Variants in LRIG1 observed in about 807,000 individuals in gnomAD.
LRIG1 encodes the protein leucine-rich repeats and immunoglobulin-like domains protein 1.
LRIG1 carries 48 observed loss-of-function variants against 99.2 expected under a neutral mutation model. The ratio of observed to expected loss-of-function variants is 0.48; its 90% CI spans 0.38 to 0.62. The LOEUF is 0.62. LRIG1 is among the 20% of genes least tolerant of loss of function. The pLI is 0.00. For missense variants in LRIG1, 1,646 were observed against 1,434.4 expected (o/e 1.15, Z -2.38); for synonymous variants, 772 against 596.1 (o/e 1.29, Z -4.30).
rs61746346 is a variant in LRIG1 at position 66,383,278 on chromosome 3, G to A, written c.2195C>T (p.Pro732Leu). Residue 732 changes from proline to leucine, a missense_variant, in exon 15 of 19, where the codon CCG (proline) becomes CTG (leucine). Physicochemically the swap from Pro to Leu is moderately conservative, Grantham distance 98. Coordinates refer to ENST00000273261, the MANE Select transcript of LRIG1 (RefSeq NM_015541.3). ...PRITWFKGDRPLSLTERHHLT... is the reference protein window; with the variant it reads ...PRITWFKGDRLLSLTERHHLT... ...GTGGTGCCGCTCAGTGAGGCTCAGC[G>A]GGCGGTCCCCCTTGAACCAGGTGAT... The A allele has an allele frequency of 1.4e-3, 2,273 of 1,613,840 alleles. 12 individuals carry two copies. In the African/African-American group the frequency reaches 0.017, roughly 12 times the overall value.
At chr3:66,423,442 A>C (rs1004622287) in intron 3 of LRIG1, among the ~76,000 whole-genome samples, 6 of 152,146 alleles carry the variant, frequency 3.9e-5, no homozygotes, top group African/African-American at 1.4e-4. Context: ...ATGGTGGCGC[A>C]TGCCTGTAAT....
chr3:66,381,650 A>C lies in LRIG1; in HGVS notation c.2618-19T>G. 6.2e-7 allele frequency: 1 copy of C among 1,605,184 alleles called. No homozygotes were observed. The highest frequency in any genetic ancestry group is 8.5e-7 in the Non-Finnish European group (1 of 1,172,616). The stretch of plus-strand genomic sequence containing the variant: ...CACACACCTGCAAGTGGATTCCAAC[A>C]CGATTAGAAACTCTGGGCTTGGTAT... On this transcript the variant is annotated intron_variant, in intron 16 of 18. Transcript: ENST00000273261.
At chr3:66,407,616 C>A in intron 7 of LRIG1, 125 bp from the exon 8 acceptor site, 1 of 912,180 alleles carries the variant, frequency 1.1e-6, no homozygotes, top group Non-Finnish European at 1.7e-6. Flanking sequence ...CACGCACGCG[C>A]GTGCGTGCAC....
At chr3:66,418,040 C>T (rs1019230912) in intron 3 of LRIG1, among the ~76,000 whole-genome samples, 3 of 152,176 alleles carry the variant, frequency 2.0e-5, no homozygotes, top group Non-Finnish European at 4.4e-5. Context: ...TTAGTGGTCA[C>T]CACCTCCCAA....
At chr3:66,479,865 C>T (rs1238101413) in intron 1 of LRIG1, among the ~76,000 whole-genome samples, 1 of 152,204 alleles carries the variant, frequency 6.6e-6, no homozygotes, top group Admixed American at 6.5e-5. Context: ...ACGTGGTGCA[C>T]ACAGCTTCTC....
intron 3 of LRIG1, among the ~76,000 whole-genome samples, chr3:66,434,047 C>A (rs148157578): frequency 6.6e-6 from 1 of 152,144 alleles, no homozygotes; most frequent in Admixed American, 6.5e-5. Context: ...TTAGACCTGA[C>A]GCTAAAAGCA....
rs145535590 is a variant in LRIG1 at position 66,423,398 on chromosome 3, C to A, written c.366-6132G>T. 6.4e-3 allele frequency among the ~76,000 whole-genome samples: 975 copies of A among 152,172 alleles called. 12 individuals carry two copies. Among genetic ancestry groups the A allele is most frequent in the African/African-American group, 0.022 (896 of 41,480 alleles). ...ACCAGCCTGACCAACATGGAGCAAC[C>A]CTGTCTCTACTAAAAATAAAAAATT... On this transcript the variant is annotated intron_variant, in intron 3 of 18. Coordinates refer to ENST00000273261, the MANE Select transcript of LRIG1 (RefSeq NM_015541.3).
chr3:66,450,205 C>T (rs930923226), intron 3 of LRIG1, among the ~76,000 whole-genome samples: 31 of 152,320 alleles, frequency 2.0e-4, no homozygotes, highest in African/African-American at 7.5e-4. Context: ...CCTTCCAGCA[C>T]TTCACAGAAA....
chr3:66,414,290 T>G (rs998668850), intron 5 of LRIG1, among the ~76,000 whole-genome samples: 7 of 151,924 alleles, frequency 4.6e-5, no homozygotes, highest in Admixed American at 1.3e-4. Context: ...CCAGCTGCTC[T>G]GGAGGCTGAG....
At chr3:66,412,716 CCCA>C (rs1702508694) in intron 6 of LRIG1, among the ~76,000 whole-genome samples, 152 bp downstream of exon 6, 1 of 152,098 alleles carries the variant, frequency 6.6e-6, no homozygotes, top group Non-Finnish European at 1.5e-5. Context: ...GCACACACAC[CCCA>C]CACCACACAG....
At chr3:66,383,923 G>A in intron 14 of LRIG1, 68 bp downstream of exon 14, 7 of 1,551,242 alleles carry the variant, frequency 4.5e-6, no homozygotes, top group African/African-American at 4.2e-5. Context: ...GCCACACAGA[G>A]CATTTGAGAG....
Position 66,417,120 on chromosome 3 carries a change from G to A in LRIG1, c.503+9C>T, listed in dbSNP as rs1363966965. 2.5e-6 allele frequency: 4 copies of A among 1,613,610 alleles called. No homozygotes were observed. The highest frequency in any genetic ancestry group is 1.3e-5 in the African/African-American group (1 of 74,944). ...GGCCAGCCACAGGTGGCAGAACAGA[G>A]GCACTTACAGCTCCTTTATAGGCGG... is the stretch of plus-strand genomic sequence containing the variant. On this transcript the variant is annotated intron_variant, in intron 4 of 18. Transcript: ENST00000273261.
At chr3:66,434,385 T>C (rs1703274149) in intron 3 of LRIG1, among the ~76,000 whole-genome samples, 1 of 152,182 alleles carries the variant, frequency 6.6e-6, no homozygotes. Context: ...TTGGTCATCA[T>C]GCAAATAAAA....
intron 12 of LRIG1, among the ~76,000 whole-genome samples, chr3:66,393,443 A>G (rs1236378599): frequency 1.3e-5 from 2 of 152,244 alleles, no homozygotes; most frequent in African/African-American, 4.8e-5. Flanking sequence ...TCAGCTGTTC[A>G]GCATTTTCTG....
At chr3:66,419,814 T>C (rs927823146) in intron 3 of LRIG1, among the ~76,000 whole-genome samples, 4 of 152,072 alleles carry the variant, frequency 2.6e-5, no homozygotes, top group African/African-American at 9.7e-5. Flanking sequence ...TTCAGCATCC[T>C]ACCTTGAAAC....
chr3:66,405,319 C>A lies in LRIG1; in HGVS notation c.1080-41G>T, dbSNP rs763912485. 5.9e-6 allele frequency: 9 copies of A among 1,526,906 alleles called. No individual in the cohort carries two copies. The East Asian group carries it at 1.6e-4, about 27-fold the overall frequency. 94.6% of individuals were successfully genotyped at this position (1,526,906 alleles called of 1,614,324 possible). On this transcript the variant is annotated intron_variant, in intron 8 of 18. Transcript: ENST00000273261. Reference sequence around the variant, plus strand: ...AAAGCAGCTCACCGAGCAGTCGGGGCGTGAAGGGAAAGCAAACTCTCACCC... The same window carrying A: ...AAAGCAGCTCACCGAGCAGTCGGGGAGTGAAGGGAAAGCAAACTCTCACCC...
chr3:66,403,647 G>C (rs973340786), intron 9 of LRIG1, among the ~76,000 whole-genome samples: 1 of 152,162 alleles, frequency 6.6e-6, no homozygotes, highest in East Asian at 1.9e-4. Context: ...AGGCAGTGGC[G>C]GACTCATGCA....
chr3:66,451,702 G>C (rs1338768186), intron 2 of LRIG1, 69 bp from the exon 3 acceptor site: 1 of 1,148,576 alleles, frequency 8.7e-7, no homozygotes, highest in Non-Finnish European at 1.3e-6. Context: ...ACATACAACA[G>C]AAATAAACAA....
At chr3:66,392,940 GA>G (rs973308765) in intron 12 of LRIG1, among the ~76,000 whole-genome samples, 4 of 152,232 alleles carry the variant, frequency 2.6e-5, no homozygotes, top group African/African-American at 9.6e-5. Context: ...AGATCGGTAT[GA>G]AAAGTCAGTT....
Sources: gnomAD v4.1 joint callset for allele counts (sites outside exome capture counted in the v4.1 genomes callset) on GRCh38, gnomAD v4.1.1 for gene constraint, MANE v1.5 for transcripts, NCBI Gene and HGNC (gene_info 2026-07-23, HGNC 2026-07-21) for gene names.